The following FAF1 variants were observed in gnomAD, a reference collection of about 807,000 sequenced individuals.
FAF1 encodes the protein FAS-associated factor 1.
In FAF1, 25 loss-of-function variants were observed where a neutral mutation model predicts 92.5. That is an observed-to-expected ratio of 0.27 (90% CI 0.20 to 0.38). The LOEUF (loss-of-function observed/expected upper bound fraction) is 0.38, where lower values mean the gene tolerates loss of function less well. FAF1 is among the 10% of genes least tolerant of loss of function. FAF1 has a pLI of 1.00. For synonymous variants in FAF1, 234 were observed against 273.2 expected (o/e 0.86, Z 1.42); for missense variants, 636 against 793.3 (o/e 0.80, Z 2.38).
chr1:50,697,800 T>G (rs1451693937), intron 7 of FAF1, among the ~76,000 whole-genome samples: 1 of 152,180 alleles, frequency 6.6e-6, no homozygotes, highest in Admixed American at 6.5e-5. Context: ...AAAAAAAGTT[T>G]TTCAAAATAA....
intron 5 of FAF1, among the ~76,000 whole-genome samples, chr1:50,740,407 T>C (rs1288056697): frequency 6.6e-6 from 1 of 152,178 alleles, no homozygotes; most frequent in Non-Finnish European, 1.5e-5. Flanking sequence ...ATGGAACATA[T>C]GGAACTTATT....
At position 50,647,646 on chromosome 1, in the gene FAF1, T is replaced by C. The variant is rs182015295; in HGVS notation, c.744+7796A>G. Among the ~76,000 whole-genome samples the C allele has an allele frequency of 1.1e-3, 174 of 152,350 alleles. 1 individual carries two copies. Among genetic ancestry groups the C allele is most frequent in the African/African-American group, 4.1e-3 (169 of 41,578 alleles). On this transcript the variant is annotated intron_variant, in intron 8 of 18. Coordinates refer to ENST00000396153, the MANE Select transcript of FAF1 (RefSeq NM_007051.3). ...CCAAAAGTCAACCATGTTAAGGCAT[T>C]CTTTCTAGTACATACTACTTCAGTC...
At chr1:50,698,125 C>G (rs1657311554) in intron 7 of FAF1, among the ~76,000 whole-genome samples, 2 of 152,020 alleles carry the variant, frequency 1.3e-5, no homozygotes, top group South Asian at 4.1e-4. Context: ...ATTCACTTAC[C>G]CATCCTTTGG....
At chr1:50,716,626 G>C (rs776527333) in intron 6 of FAF1, among the ~76,000 whole-genome samples, 6 of 152,148 alleles carry the variant, frequency 3.9e-5, no homozygotes, top group Non-Finnish European at 8.8e-5. Context: ...GATTGTAAAT[G>C]CACCAATCAG....
chr1:50,788,868 G>T (rs1016473946), intron 3 of FAF1, among the ~76,000 whole-genome samples: 1 of 152,034 alleles, frequency 6.6e-6, no homozygotes, highest in Non-Finnish European at 1.5e-5. Flanking sequence ...GTCTCTCTCT[G>T]TTATCCAGGC....
chr1:50,889,598 A>G (rs1570105291), intron 1 of FAF1, among the ~76,000 whole-genome samples: 3 of 152,172 alleles, frequency 2.0e-5, no homozygotes, highest in East Asian at 3.9e-4. Flanking sequence ...GAACATCTTT[A>G]TTTCTGCCTT....
At chr1:50,453,108 T>C (rs1418840818) in intron 18 of FAF1, among the ~76,000 whole-genome samples, 1 of 152,238 alleles carries the variant, frequency 6.6e-6, no homozygotes, top group Non-Finnish European at 1.5e-5. Context: ...AGAAGGCTCC[T>C]AGCAGGACTT....
intron 1 of FAF1, among the ~76,000 whole-genome samples, chr1:50,872,891 C>A (rs1397143808): frequency 6.7e-6 from 1 of 149,380 alleles, no homozygotes; most frequent in East Asian, 2.0e-4. Flanking sequence ...AACAGCGAAA[C>A]TCCGTCTGGA....
chr1:50,628,208 T>C (rs189602884), intron 8 of FAF1, among the ~76,000 whole-genome samples: 150 of 152,220 alleles, frequency 9.9e-4, no homozygotes, highest in South Asian at 4.4e-3. Context: ...AAAGAAAAAA[T>C]ATATTAGATA....
chr1:50,506,214 C>T (rs528008428), intron 15 of FAF1, among the ~76,000 whole-genome samples: 7 of 152,320 alleles, frequency 4.6e-5, no homozygotes, highest in African/African-American at 1.7e-4. Context: ...TAGAACTTTA[C>T]ATTCTGAACC....
chr1:50,735,026 C>A (rs895186030), intron 6 of FAF1, among the ~76,000 whole-genome samples: 1 of 152,030 alleles, frequency 6.6e-6, no homozygotes, highest in African/African-American at 2.4e-5. Context: ...GTGAAGCAAT[C>A]AAAAAGAACA....
chr1:50,856,386 T>A (rs550448771), intron 2 of FAF1, among the ~76,000 whole-genome samples: 1 of 151,916 alleles, frequency 6.6e-6, no homozygotes, highest in South Asian at 2.1e-4. Context: ...ATTAAGCCAC[T>A]GCTCTTTCTC....
At chr1:50,591,134 T>C (rs1183138561) in intron 9 of FAF1, among the ~76,000 whole-genome samples, 3 of 152,250 alleles carry the variant, frequency 2.0e-5, no homozygotes, top group Admixed American at 6.5e-5. Context: ...CTTCTATTTC[T>C]AGTTTTACCA....
intron 8 of FAF1, among the ~76,000 whole-genome samples, chr1:50,641,929 G>A (rs1036097965): frequency 1.4e-4 from 21 of 152,018 alleles, no homozygotes; most frequent in Non-Finnish European, 4.4e-5. Context: ...CTGGCCAGGC[G>A]CGGGGGCTCA....
rs568756293 is a variant in FAF1, at chr1:50,848,613, T to C, written c.114+9316A>G. On this transcript the variant is annotated intron_variant, in intron 2 of 18. Coordinates refer to ENST00000396153, the MANE Select transcript of FAF1 (RefSeq NM_007051.3). ...ACGCTATCTTAACCACATGTCAAAG[T>C]TAACAGCACCAGTAATAACACATAT... 2.0e-5 allele frequency among the ~76,000 whole-genome samples: 3 copies of C among 152,334 alleles called. No homozygotes were observed. In the South Asian group the frequency reaches 6.2e-4, roughly 32 times the overall value.
intron 1 of FAF1, among the ~76,000 whole-genome samples, chr1:50,878,784 A>G (rs1362339543): frequency 9.2e-5 from 14 of 152,212 alleles, no homozygotes; most frequent in Admixed American, 9.2e-4. Flanking sequence ...TCATTTAATC[A>G]TCTCACCAAC....
intron 14 of FAF1, among the ~76,000 whole-genome samples, chr1:50,537,382 T>C (rs1000261377): frequency 6.6e-6 from 1 of 152,152 alleles, no homozygotes; most frequent in Admixed American, 6.6e-5. Context: ...AGAAAAAGTA[T>C]ACCAGTTAAT....
At chr1:50,696,849 G>GT (rs1342346304) in intron 7 of FAF1, among the ~76,000 whole-genome samples, 5 of 152,084 alleles carry the variant, frequency 3.3e-5, no homozygotes, top group Non-Finnish European at 7.4e-5. Flanking sequence ...TGCATTAGCT[G>GT]TAAGTAGATG....
chr1:50,947,399 TC>T (rs1340691244), intron 1 of FAF1, among the ~76,000 whole-genome samples: 2 of 152,210 alleles, frequency 1.3e-5, no homozygotes, highest in Non-Finnish European at 2.9e-5. Context: ...ACCTGACATC[TC>T]ATTCTTCCTA....
Sources: gnomAD v4.1 joint callset for allele counts (sites outside exome capture counted in the v4.1 genomes callset) on GRCh38, gnomAD v4.1.1 for gene constraint, MANE v1.5 for transcripts, NCBI Gene and HGNC (gene_info 2026-07-23, HGNC 2026-07-21) for gene names.